SPTBN4: variants seen among roughly 807,000 people sequenced by gnomAD.
SPTBN4 encodes spectrin beta chain, non-erythrocytic 4.
A neutral mutation model predicts 277.8 loss-of-function variants in SPTBN4; 96 were observed. The observed-to-expected ratio is 0.35, with a 90% CI of 0.29 to 0.41. SPTBN4 has a LOEUF of 0.41. SPTBN4 is among the 10% of genes least tolerant of loss of function. The probability of loss-of-function intolerance (pLI) is 1.00; values close to 1 mark genes in which losing one functional copy is unlikely to be tolerated. For synonymous variants in SPTBN4, 1,481 were observed against 1,580.3 expected, an observed-to-expected ratio of 0.94 and a Z score of 1.49; for missense variants, 3,006 against 3,595.7, an observed-to-expected ratio of 0.84 and a Z score of 4.19.
At chr19:40,492,433 T>C (rs2080149250) in intron 4 of SPTBN4, among the ~76,000 whole-genome samples, 1 of 152,038 alleles carries the variant, frequency 6.6e-6, no homozygotes, top group African/African-American at 2.4e-5. Flanking sequence ...GGGAGGATGC[T>C]TGTGATTCAG....
chr19:40,502,123 G>T lies in SPTBN4; in HGVS notation c.898-5G>T. ...AGGCTGACCCCCCTTCCTCTGCTGT[G>T]TCAGGTCTTGGACCAGGTATTGGAG... On this transcript the variant is annotated splice_region_variant and splice_polypyrimidine_tract_variant and intron_variant, in intron 8 of 35. Transcript: ENST00000598249. This position sits in a 1 kb window ranked among gnomAD's most constrained non-coding sequence, Gnocchi z 4.9. 6.2e-7 allele frequency: 1 copy of T among 1,613,482 alleles called. No homozygotes were observed. The highest frequency in any genetic ancestry group is 8.5e-7 in the Non-Finnish European group (1 of 1,179,716).
intron 33 of SPTBN4, among the ~76,000 whole-genome samples, chr19:40,571,383 G>C (rs2081155259): frequency 6.6e-6 from 1 of 152,178 alleles, no homozygotes; most frequent in South Asian, 2.1e-4. Context: ...GGGGAGTCCA[G>C]CTCCTGCTTG....
chr19:40,497,477 G>GC lies in SPTBN4; in HGVS notation c.669-8dup. ...CCTGCCTGCTGCCTGCCTGCTCTGT[G>GC]CCCCTGCCCAGGCCTGATCTCGTGG... On this transcript the variant is annotated splice_polypyrimidine_tract_variant and intron_variant, in intron 6 of 35. Coordinates refer to ENST00000598249, the MANE Select transcript of SPTBN4 (RefSeq NM_020971.3). 2 of 1,607,454 alleles carry GC rather than the reference G, an allele frequency of 1.2e-6. No homozygotes were observed. Among genetic ancestry groups the GC allele is most frequent in the Non-Finnish European group, 8.5e-7 (1 of 1,174,092 alleles).
chr19:40,545,805 G>A (rs1286654816), intron 20 of SPTBN4, among the ~76,000 whole-genome samples: 1 of 152,110 alleles, frequency 6.6e-6, no homozygotes, highest in Non-Finnish European at 1.5e-5. Flanking sequence ...ACTTTGGAAG[G>A]CCAAGGCAGG....
Position 40,513,111 on chromosome 19 carries a change from G to C in SPTBN4, c.2322G>C (p.Ala774=), listed in dbSNP as rs2080412474. The change falls in exon 14 of 36, where the codon GCG becomes GCC. Residue 774 remains alanine (A), a synonymous_variant. Coordinates refer to ENST00000598249, the MANE Select transcript of SPTBN4 (RefSeq NM_020971.3). ...RRERRLQEAR[A]LHQFGADLDG... is the part of the protein sequence containing the mutation. The stretch of plus-strand genomic sequence containing the variant: ...AGCGGCGGCTGCAGGAGGCGCGGGC[G>C]CTGCACCAGTTCGGCGCTGACCTCG... 1 of 1,458,450 alleles carries C rather than the reference G, an allele frequency of 6.9e-7. No individual in the cohort carries two copies. The highest frequency in any genetic ancestry group is 9.0e-7 in the Non-Finnish European group (1 of 1,113,572). 90.3% of individuals were successfully genotyped at this position (1,458,450 alleles called of 1,614,324 possible).
chr19:40,497,527 A>T lies in SPTBN4; in HGVS notation c.707A>T (p.Asn236Ile), dbSNP rs774529480. The part of the protein sequence containing the change: ...LVDFSKLTKS[N>I]ANYNLQRAFR... ...GACTTCAGCAAACTCACCAAGTCCA[A>T]TGCCAACTACAACCTGCAGAGAGCC... Residue 236 changes from asparagine (N) to isoleucine (I), a missense_variant, in exon 7 of 36, where the codon AAT becomes ATT. By Grantham distance (149) the Asn-to-Ile change is moderately radical (BLOSUM62 -3). Transcript: ENST00000598249. 7 of 1,614,112 alleles carry T rather than the reference A, an allele frequency of 4.3e-6. No individual in the cohort carries two copies. In the Admixed American group the frequency reaches 1.0e-4, roughly 23 times the overall value.
At chr19:40,569,971 CACAG>C (rs59722315) in intron 32 of SPTBN4, among the ~76,000 whole-genome samples, 22 of 118,274 alleles carry the variant, frequency 1.9e-4, no homozygotes, top group African/African-American at 3.3e-4. Context: ...CACACACACA[CACAG>C]ACACACACAC....
intron 20 of SPTBN4, among the ~76,000 whole-genome samples, chr19:40,540,293 A>G (rs1031428341): frequency 5.3e-5 from 8 of 152,160 alleles, no homozygotes; most frequent in African/African-American, 1.9e-4. Context: ...TTCAAAAGCT[A>G]GTTGTTTCAC....
intron 7 of SPTBN4, 46 bp downstream of exon 7, chr19:40,497,650 C>A: frequency 6.7e-7 from 1 of 1,494,724 alleles, no homozygotes; most frequent in Non-Finnish European, 9.3e-7. Flanking sequence ...TGGGGGACTC[C>A]CAACCCCAAT....
In SPTBN4 at chr19:40,557,005, C is replaced by CG; in HGVS notation, c.5290-18_5290-17insG. 1 of 1,528,562 alleles carries CG rather than the reference C, an allele frequency of 6.5e-7. No homozygotes were observed. Among genetic ancestry groups the CG allele is most frequent in the South Asian group, 1.3e-5 (1 of 78,214 alleles). 94.7% of individuals were successfully genotyped at this position (1,528,562 alleles called of 1,614,324 possible). ...TTGCTCACTTTGCTGTACCCCCCCC[C>CG]CCACTTCCTGATGGCAGGTGCTGCA... is the stretch of plus-strand genomic sequence containing the variant. On this transcript the variant is annotated splice_polypyrimidine_tract_variant and intron_variant, in intron 25 of 35. Transcript: ENST00000598249.
At chr19:40,530,455 GC>G in intron 18 of SPTBN4, 3 of 971,900 alleles carry the variant, frequency 3.1e-6, no homozygotes, top group Non-Finnish European at 3.7e-6. Flanking sequence ...CGCGGCCGCC[GC>G]GCGGGGGCGA....
At chr19:40,559,903 A>T (rs970292622) in intron 26 of SPTBN4, among the ~76,000 whole-genome samples, 1 of 152,246 alleles carries the variant, frequency 6.6e-6, no homozygotes, top group African/African-American at 2.4e-5. Flanking sequence ...CAGGTGGCAG[A>T]CCCAATAGAA....
At chr19:40,491,558 A>G (rs2080136245) in intron 4 of SPTBN4, among the ~76,000 whole-genome samples, 1 of 151,888 alleles carries the variant, frequency 6.6e-6, no homozygotes. Flanking sequence ...CTTGGCCAAC[A>G]TGGTGAAACC....
At chr19:40,497,467 C>T (rs757760022) in intron 6 of SPTBN4, 22 bp from the exon 7 acceptor site, 3 of 1,588,090 alleles carry the variant, frequency 1.9e-6, no homozygotes, top group South Asian at 1.1e-5. Flanking sequence ...CTGCTGCCTG[C>T]CTGCTCTGTG....
In SPTBN4 at chr19:40,564,581, A is replaced by C. The variant is rs539051752; in HGVS notation, c.5916-842A>C. ...TGGCTGGGTGTGGTGGCTTATGCCCATAGCCTTGAACTTTGGGAGGCTGAG... is the reference window on the plus strand; with the variant it reads ...TGGCTGGGTGTGGTGGCTTATGCCCCTAGCCTTGAACTTTGGGAGGCTGAG... On this transcript the variant is annotated intron_variant, in intron 27 of 35. Transcript: ENST00000598249. Among the ~76,000 whole-genome samples the C allele has an allele frequency of 2.0e-5, 3 of 152,158 alleles. No individual in the cohort carries two copies. In the East Asian group the frequency reaches 5.8e-4, roughly 30 times the overall value.
chr19:40,519,766 T>G lies in SPTBN4; in HGVS notation c.3269T>G (p.Leu1090Arg). Reference protein sequence around the residue: ...CGEAVAAAGRLQRFLHDLDAF... With the variant: ...CGEAVAAAGRRQRFLHDLDAF... ...GAGGCGGTGGCGGCAGCAGGGCGCC[T>G]GCAGCGCTTCCTACATGACCTCGAC... Residue 1090 changes from leucine to arginine, a missense_variant, in exon 16 of 36, where the codon CTG becomes CGG. By Grantham distance (102) the Leu-to-Arg change is moderately radical (BLOSUM62 -2). Coordinates refer to ENST00000598249, the MANE Select transcript of SPTBN4 (RefSeq NM_020971.3). This position sits in a 1 kb window ranked among gnomAD's most constrained non-coding sequence, Gnocchi z 5.7. The G allele has an allele frequency of 7.1e-7, 1 of 1,408,464 alleles. No homozygotes were observed. The highest frequency in any genetic ancestry group is 1.5e-5 in the African/African-American group (1 of 65,348). 87.2% of individuals were successfully genotyped at this position (1,408,464 alleles called of 1,614,324 possible).
At chr19:40,572,980 A>C (rs997851765) in intron 35 of SPTBN4, among the ~76,000 whole-genome samples, 1 of 151,926 alleles carries the variant, frequency 6.6e-6, no homozygotes, top group Non-Finnish European at 1.5e-5. Flanking sequence ...AAAAATAAAA[A>C]GGGTGATTCA....
rs535852417 is a variant in SPTBN4, at chr19:40,549,547, C to G, written c.4584+134C>G. The stretch of plus-strand genomic sequence containing the variant: ...ACGCTGAAAGACGCATTCAGCCGTT[C>G]ACTCATTCATTCATTCACACTCATT... On this transcript the variant is annotated intron_variant, in intron 21 of 35. Transcript: ENST00000598249. 4.6e-6 allele frequency: 3 copies of G among 657,864 alleles called. No individual in the cohort carries two copies. The South Asian group carries it at 6.5e-5, about 14-fold the overall frequency. 40.8% of individuals were successfully genotyped at this position (657,864 alleles called of 1,614,324 possible). A position where few individuals can be genotyped will look rare whatever the true frequency, so the allele number is the denominator to read the frequency against.
chr19:40,516,147 A>G (rs1007252209), intron 15 of SPTBN4, among the ~76,000 whole-genome samples: 3 of 148,452 alleles, frequency 2.0e-5, no homozygotes, highest in Non-Finnish European at 3.0e-5. Flanking sequence ...CTGAGTTGGG[A>G]GGATGCCTTG....
Sources: gnomAD v4.1 joint callset for allele counts (sites outside exome capture counted in the v4.1 genomes callset) on GRCh38, gnomAD v4.1.1 for gene constraint, Gnocchi (gnomAD v3.1) non-coding constraint, MANE v1.5 for transcripts, NCBI Gene and HGNC (gene_info 2026-07-23, HGNC 2026-07-21) for gene names.